Variants in PCDHA1 observed in about 807,000 individuals in gnomAD.
PCDHA1 encodes the protein protocadherin alpha 1.
Under a neutral mutation model 61.3 loss-of-function variants are expected in PCDHA1, and 42 were observed. The ratio of observed to expected loss-of-function variants is 0.69; its 90% CI spans 0.54 to 0.89. The LOEUF is 0.89. Among genes scored for constraint, PCDHA1 ranks in the 40% least tolerant of loss-of-function variants. The pLI is 0.00. For missense variants in PCDHA1, 1,256 were observed against 1,235.3 expected (o/e 1.02, Z -0.25); for synonymous variants, 610 against 553.8 (o/e 1.10, Z -1.43).
intron 1 of PCDHA1, chr5:140,803,350 A>G: frequency 1.2e-6 from 2 of 1,614,182 alleles, no homozygotes; most frequent in Non-Finnish European, 1.7e-6. Context: ...CTGCTGCTAT[A>G]TACTGCTCTG....
At chr5:140,863,422 G>A (rs782158453) in intron 1 of PCDHA1, 1 of 689,156 alleles carries the variant, frequency 1.5e-6, no homozygotes, top group South Asian at 1.3e-5. Flanking sequence ...GTACCGCAGC[G>A]TAGTGGGATC....
At chr5:140,921,385 A>C (rs571029849) in intron 1 of PCDHA1, among the ~76,000 whole-genome samples, 1 of 152,294 alleles carries the variant, frequency 6.6e-6, no homozygotes, top group East Asian at 1.9e-4. Flanking sequence ...CATATTTGAT[A>C]AACATTCACA....
At chr5:140,854,384 C>T (rs1268523616) in intron 1 of PCDHA1, 1 of 155,336 alleles carries the variant, frequency 6.4e-6, no homozygotes, top group Non-Finnish European at 1.4e-5. Flanking sequence ...TAACTCATTA[C>T]ATTTTAATTC....
chr5:140,800,222 A>G (rs1762526955), intron 1 of PCDHA1, among the ~76,000 whole-genome samples: 1 of 152,160 alleles, frequency 6.6e-6, no homozygotes, highest in African/African-American at 2.4e-5. Context: ...ATGTGAGTGT[A>G]ACAAATATAC....
At chr5:140,983,931 G>A (rs1398681067) in intron 3 of PCDHA1, among the ~76,000 whole-genome samples, 1 of 152,190 alleles carries the variant, frequency 6.6e-6, no homozygotes, top group Non-Finnish European at 1.5e-5. Context: ...GCTATTTATG[G>A]ATGTTGCACA....
Position 140,859,942 on chromosome 5 carries a change from C to T in PCDHA1, c.2394+71258C>T, listed in dbSNP as rs188063424. ...AGTAATATAAAAAACTTAGTAAAAACTCATATCAATTGTAAAAGTCTCAGG... is the reference window on the plus strand; with the variant it reads ...AGTAATATAAAAAACTTAGTAAAAATTCATATCAATTGTAAAAGTCTCAGG... On this transcript the variant is annotated intron_variant, in intron 1 of 3. Coordinates refer to ENST00000504120, the MANE Select transcript of PCDHA1 (RefSeq NM_018900.4). 5.9e-5 allele frequency: 9 copies of T among 151,828 alleles called. No individual in the cohort carries two copies. The East Asian group carries it at 1.5e-3, about 26-fold the overall frequency. 9.4% of individuals were successfully genotyped at this position (151,828 alleles called of 1,614,324 possible). A position where few individuals can be genotyped will look rare whatever the true frequency, so the allele number is the denominator to read the frequency against.
intron 1 of PCDHA1, chr5:140,830,919 GTTTTTCTGTCGACAC>G: frequency 6.6e-6 from 1 of 152,324 alleles, no homozygotes; most frequent in Admixed American, 6.5e-5. Context: ...CCATTTCAAT[GTTTTTCTGTCGACAC>G]TTTTATTAAG....
rs1207602014 is a variant in PCDHA1 at position 140,886,275 on chromosome 5, T to A, written c.2395-92674T>A. On this transcript the variant is annotated intron_variant, in intron 1 of 3. Transcript: ENST00000504120. ...ATCTCTATTTATAGATAAAATTTTT[T>A]AAAATTATTTTTATATTTATTTATT... 5.9e-5 allele frequency among the ~76,000 whole-genome samples: 9 copies of A among 152,098 alleles called. No homozygotes were observed. In the East Asian group the frequency reaches 1.5e-3, roughly 26 times the overall value.
intron 1 of PCDHA1, among the ~76,000 whole-genome samples, chr5:140,924,989 C>T (rs782768303): frequency 7.9e-5 from 12 of 151,328 alleles, no homozygotes; most frequent in Admixed American, 1.3e-4. Context: ...GTCTGTAATC[C>T]TAGCACTTTA....
intron 1 of PCDHA1, among the ~76,000 whole-genome samples, chr5:140,956,546 G>A (rs1330264002): frequency 1.3e-5 from 2 of 152,158 alleles, no homozygotes; most frequent in Non-Finnish European, 2.9e-5. Flanking sequence ...GCTGGATTTG[G>A]TTTGCCAGTA....
chr5:140,883,868 C>G lies in PCDHA1; in HGVS notation c.2395-95081C>G, dbSNP rs782022578. ...CGAGGAGCTGGAGCTGTTGCAGTTC[C>G]AGGTGAGCGCGCGCGACTCTGGCGT... On this transcript the variant is annotated intron_variant, in intron 1 of 3. Coordinates refer to ENST00000504120, the MANE Select transcript of PCDHA1 (RefSeq NM_018900.4). 9.9e-6 allele frequency: 16 copies of G among 1,613,048 alleles called. No homozygotes were observed. The Admixed American group carries it at 2.5e-4, about 25-fold the overall frequency.
intron 1 of PCDHA1, among the ~76,000 whole-genome samples, chr5:140,964,721 CA>C (rs1340678918): frequency 1.3e-5 from 2 of 151,598 alleles, no homozygotes; most frequent in African/African-American, 4.9e-5. Flanking sequence ...CAAATTACCA[CA>C]GCAAACTGAG....
intron 1 of PCDHA1, chr5:140,870,128 C>T: frequency 6.2e-7 from 1 of 1,613,948 alleles, no homozygotes; most frequent in Non-Finnish European, 8.5e-7. Flanking sequence ...ATCTTGGACA[C>T]CAACGATAAC....
At chr5:140,895,341 T>C (rs996566433) in intron 1 of PCDHA1, among the ~76,000 whole-genome samples, 5 of 152,186 alleles carry the variant, frequency 3.3e-5, no homozygotes, top group African/African-American at 1.2e-4. Flanking sequence ...TGTTTTACTA[T>C]GCTTTCCAGT....
chr5:140,963,829 A>G (rs1460358277), intron 1 of PCDHA1, among the ~76,000 whole-genome samples: 1 of 152,180 alleles, frequency 6.6e-6, no homozygotes, highest in African/African-American at 2.4e-5. Context: ...CTTTACATAC[A>G]TTTTCTCATG....
At chr5:140,823,156 G>A (rs2150122926) in intron 1 of PCDHA1, 2 of 1,613,980 alleles carry the variant, frequency 1.2e-6, no homozygotes, top group South Asian at 1.1e-5. Context: ...CCAGTATACC[G>A]TGTTCGTGAA....
At position 140,838,077 on chromosome 5, in the gene PCDHA1, A is replaced by T. The variant is rs13165987; in HGVS notation, c.2394+49393A>T. ...TTTCCACTTTAAGTTATATATATATAGTGTGTGTGTGTGTGTGTGTGTGTG... is the reference window on the plus strand; with the variant it reads ...TTTCCACTTTAAGTTATATATATATTGTGTGTGTGTGTGTGTGTGTGTGTG... On this transcript the variant is annotated intron_variant, in intron 1 of 3. Coordinates refer to ENST00000504120, the MANE Select transcript of PCDHA1 (RefSeq NM_018900.4). 6.6e-3 allele frequency among the ~76,000 whole-genome samples: 531 copies of T among 80,680 alleles called. 3 individuals carry two copies. The highest frequency in any genetic ancestry group is 0.029 in the Middle Eastern group (4 of 136). The allele number at this position is 80,680 out of a possible 152,430, so 52.9% of individuals were successfully genotyped here. A position where few individuals can be genotyped will look rare whatever the true frequency, so the allele number is the denominator to read the frequency against.
At chr5:140,917,117 C>A (rs1318149439) in intron 1 of PCDHA1, among the ~76,000 whole-genome samples, 1 of 152,018 alleles carries the variant, frequency 6.6e-6, no homozygotes, top group Non-Finnish European at 1.5e-5. Flanking sequence ...CCTCCAAGTG[C>A]GCAGACTCCC....
intron 1 of PCDHA1, chr5:140,802,289 A>G (rs1233215220): frequency 6.2e-7 from 1 of 1,614,128 alleles, no homozygotes; most frequent in East Asian, 2.2e-5. Flanking sequence ...AAGACTCTCC[A>G]CTTAGCACAG....
Sources: allele counts gnomAD v4.1 joint callset (sites outside exome capture counted in the v4.1 genomes callset), GRCh38; gene constraint gnomAD v4.1.1; transcripts MANE v1.5; gene names NCBI Gene and HGNC (gene_info 2026-07-23, HGNC 2026-07-21).